The following GRAMD1A variants were observed in gnomAD, a reference collection of about 807,000 sequenced individuals.
GRAMD1A encodes protein Aster-A.
In GRAMD1A, 50 loss-of-function variants were observed where a neutral mutation model predicts 92.0. The observed-to-expected ratio is 0.54, with a 90% CI of 0.43 to 0.69. The LOEUF (loss-of-function observed/expected upper bound fraction) is 0.69. Ranked by LOEUF, GRAMD1A falls within the 30% of genes least tolerant of loss-of-function variation. The probability of loss-of-function intolerance (pLI) is 0.00; values close to 1 mark genes in which losing one functional copy is unlikely to be tolerated. For synonymous variants in GRAMD1A, 405 were observed against 403.6 expected (o/e 1.00, Z -0.04); for missense variants, 819 against 978.9 (o/e 0.84, Z 2.18).
chr19:35,018,357 G>A (rs894994040), intron 11 of GRAMD1A, among the ~76,000 whole-genome samples: 2 of 152,184 alleles, frequency 1.3e-5, no homozygotes, highest in Non-Finnish European at 2.9e-5. Context: ...AGAGAGTGGA[G>A]GGGAGGTGCC....
chr19:35,019,169 A>G, intron 11 of GRAMD1A, 22 bp from the exon 12 acceptor site: 2 of 1,522,744 alleles, frequency 1.3e-6, no homozygotes, highest in African/African-American at 1.4e-5. Flanking sequence ...TGGCCTCCTC[A>G]TGCTGCTCCT....
intron 9 of GRAMD1A, 25 bp from the exon 10 acceptor site, chr19:35,014,164 G>C: frequency 1.9e-6 from 3 of 1,606,896 alleles, no homozygotes; most frequent in Non-Finnish European, 1.7e-6. Flanking sequence ...AGGTGGCCAA[G>C]GCTGCATCGG....
At position 35,026,311 on chromosome 19, in the gene GRAMD1A, C is replaced by T. The variant is rs920066487; in HGVS notation, c.*170C>T. 9 of 598,242 alleles carry T rather than the reference C, an allele frequency of 1.5e-5. No individual in the cohort carries two copies. In the Admixed American group the frequency reaches 1.7e-4, roughly 11 times the overall value. The allele number at this position is 598,242 out of a possible 1,614,324, so 37.1% of individuals were successfully genotyped here. A position where few individuals can be genotyped will look rare whatever the true frequency, so the allele number is the denominator to read the frequency against. On this transcript the variant is annotated 3_prime_UTR_variant, in exon 20 of 20. Coordinates refer to ENST00000317991, the MANE Select transcript of GRAMD1A (RefSeq NM_020895.5). ...CACGGAACCGAGATGCACTTTAGAC[C>T]AGGGAGCTGGCCCGGCCTCTGGCAG...
At chr19:35,005,847 A>G in intron 1 of GRAMD1A, 1 of 456,214 alleles carries the variant, frequency 2.2e-6, no homozygotes, top group Non-Finnish European at 4.4e-6. Context: ...GCATGAGCCA[A>G]AGTCCTGAAG....
rs2151695718 is a variant in GRAMD1A at position 35,000,333 on chromosome 19, G to C, written c.-146G>C. On this transcript the variant is annotated 5_prime_UTR_variant, in exon 1 of 20. Transcript: ENST00000317991. This position sits in a 1 kb window ranked among gnomAD's most constrained non-coding sequence, Gnocchi z 4.9. ...TCCGGCGGCTCCGGCCTTTTGTGCG[G>C]GCGGTTGGGTCGGGTGGGGGCGGCG... is the stretch of plus-strand genomic sequence containing the variant. 9.4e-7 allele frequency: 1 copy of C among 1,066,548 alleles called. No homozygotes were observed. The highest frequency in any genetic ancestry group is 7.4e-5 in the East Asian group (1 of 13,602). The allele number at this position is 1,066,548 out of a possible 1,614,324, so 66.1% of individuals were successfully genotyped here. A position where few individuals can be genotyped will look rare whatever the true frequency, so the allele number is the denominator to read the frequency against.
chr19:35,010,248 C>T, intron 5 of GRAMD1A, 36 bp from the exon 6 acceptor site: 1 of 1,588,110 alleles, frequency 6.3e-7, no homozygotes, highest in Non-Finnish European at 8.6e-7. Flanking sequence ...TGGCCAGGCC[C>T]CACCCCGCTC....
In GRAMD1A at chr19:35,013,475, G is replaced by A; in HGVS notation, c.720-66G>A. On this transcript the variant is annotated intron_variant, in intron 8 of 19. Transcript: ENST00000317991. The surrounding 1 kb of genome is among the most constrained non-coding windows in gnomAD (Gnocchi z 4.9). ...GCCTGAGATGGTTGTATGACGTCTGGAGGATTCAGGAGGGTGTATGGGGTC... is the reference window on the plus strand; with the variant it reads ...GCCTGAGATGGTTGTATGACGTCTGAAGGATTCAGGAGGGTGTATGGGGTC... 1 of 1,553,100 alleles carries A rather than the reference G, an allele frequency of 6.4e-7. No homozygotes were observed. Among genetic ancestry groups the A allele is most frequent in the Non-Finnish European group, 8.8e-7 (1 of 1,132,792 alleles).
At chr19:35,002,073 T>A (rs1201948229) in intron 1 of GRAMD1A, among the ~76,000 whole-genome samples, 1 of 152,134 alleles carries the variant, frequency 6.6e-6, no homozygotes, top group East Asian at 1.9e-4. Flanking sequence ...TAGGCCTCTC[T>A]GTGTACAGCT....
chr19:35,018,863 T>C (rs1290904394), intron 11 of GRAMD1A, among the ~76,000 whole-genome samples: 1 of 151,062 alleles, frequency 6.6e-6, no homozygotes, highest in Non-Finnish European at 1.5e-5. Context: ...TGCAGCAGGT[T>C]TGGGGAGATG....
chr19:35,004,277 C>T (rs901579829), intron 1 of GRAMD1A, among the ~76,000 whole-genome samples: 8 of 151,798 alleles, frequency 5.3e-5, no homozygotes, highest in South Asian at 2.1e-4. Context: ...AGAGTGTGAC[C>T]GTGTCTCTAA....
chr19:34,996,219 C>T (rs762129896), upstream of GRAMD1A: 9 of 1,535,668 alleles, frequency 5.9e-6, no homozygotes, highest in South Asian at 1.1e-4. Context: ...GGGGAGTCCC[C>T]CGCCTGCACC....
rs983808105 is a variant in GRAMD1A at position 35,013,932 on chromosome 19, A to T, written c.870+241A>T. 1.3e-5 allele frequency among the ~76,000 whole-genome samples: 2 copies of T among 152,170 alleles called. No homozygotes were observed. Among genetic ancestry groups the T allele is most frequent in the Admixed American group, 1.3e-4 (2 of 15,274 alleles). On this transcript the variant is annotated intron_variant, in intron 9 of 19. Transcript: ENST00000317991. The surrounding 1 kb of genome is among the most constrained non-coding windows in gnomAD (Gnocchi z 4.9). The stretch of plus-strand genomic sequence containing the variant: ...CAGAAGGGATGGGAGATGGGTGGAT[A>T]GATGAAGCAGCAGACAGACAGACGG...
chr19:35,020,342 C>A (rs1207097039), intron 13 of GRAMD1A, among the ~76,000 whole-genome samples: 1 of 152,146 alleles, frequency 6.6e-6, no homozygotes, highest in Non-Finnish European at 1.5e-5. Flanking sequence ...GGTTCGAGAC[C>A]AGCCTGGCCA....
intron 1 of GRAMD1A, among the ~76,000 whole-genome samples, chr19:35,003,178 G>GTA (rs71165698): frequency 6.8e-6 from 1 of 147,400 alleles, no homozygotes; most frequent in Non-Finnish European, 1.5e-5. Context: ...GTGTGTGTGT[G>GTA]CATATGAGAG....
chr19:35,006,214 G>C (rs12460884), intron 1 of GRAMD1A, among the ~76,000 whole-genome samples: 18,787 of 152,150 alleles, frequency 0.12, 1,332 homozygotes, highest in African/African-American at 0.19. Context: ...CCCAGCTACT[G>C]CGGAGGCTGA....
chr19:35,015,704 G>A, intron 10 of GRAMD1A, 120 bp from the exon 11 acceptor site: 1 of 899,270 alleles, frequency 1.1e-6, no homozygotes, highest in Non-Finnish European at 1.6e-6. Flanking sequence ...GTGTCCAGCT[G>A]TGCTCCAGGA....
chr19:35,010,468 C>T (rs555275792), intron 6 of GRAMD1A, 89 bp downstream of exon 6: 5 of 860,638 alleles, frequency 5.8e-6, no homozygotes, highest in South Asian at 5.5e-5. Context: ...TGTTCTGCAC[C>T]CTGAGTTCTC....
rs779563904 is a variant in GRAMD1A at position 35,022,857 on chromosome 19, G to A, written c.1842-43G>A. The A allele has an allele frequency of 6.9e-6, 11 of 1,593,928 alleles. No individual in the cohort carries two copies. The South Asian group carries it at 1.3e-4, about 18-fold the overall frequency. On this transcript the variant is annotated intron_variant, in intron 16 of 19. Coordinates refer to ENST00000317991, the MANE Select transcript of GRAMD1A (RefSeq NM_020895.5). Reference sequence around the variant, plus strand: ...GCTGGGGGTGTCGGGGGCAGGCCAGGCGGCGCTCATCTCTCTGTCTCCCCT... The same window carrying A: ...GCTGGGGGTGTCGGGGGCAGGCCAGACGGCGCTCATCTCTCTGTCTCCCCT...
chr19:35,006,214 G>T (rs12460884), intron 1 of GRAMD1A, among the ~76,000 whole-genome samples: 2 of 152,194 alleles, frequency 1.3e-5, no homozygotes, highest in African/African-American at 4.8e-5. Flanking sequence ...CCCAGCTACT[G>T]CGGAGGCTGA....
Sources: allele counts gnomAD v4.1 joint callset (sites outside exome capture counted in the v4.1 genomes callset), GRCh38; gene constraint gnomAD v4.1.1; non-coding constraint Gnocchi (gnomAD v3.1); transcripts MANE v1.5; gene names NCBI Gene and HGNC (gene_info 2026-07-23, HGNC 2026-07-21).